The following DTNB variants were observed in gnomAD, a reference collection of about 807,000 sequenced individuals.
DTNB encodes dystrobrevin beta, also known as DTN-B.
In DTNB, 63 loss-of-function variants were observed where a neutral mutation model predicts 90.7. The observed-to-expected ratio is 0.69, with a 90% confidence interval of 0.57 to 0.86. The LOEUF is 0.86. Among genes scored for constraint, DTNB ranks in the 40% least tolerant of loss-of-function variants. The pLI, the probability that DTNB is intolerant of heterozygous loss-of-function variation, is 0.00. For missense variants in DTNB, 744 were observed against 807.1 expected, an observed-to-expected ratio of 0.92 and a Z score of 0.95; for synonymous variants, 277 against 286.7, an observed-to-expected ratio of 0.97 and a Z score of 0.34.
chr2:25,654,903 G>C (rs2081756467), intron 1 of DTNB, among the ~76,000 whole-genome samples: 1 of 152,288 alleles, frequency 6.6e-6, no homozygotes, highest in East Asian at 1.9e-4. Context: ...CAAATGCCTA[G>C]AACAGTTCCC....
chr2:25,409,434 A>G (rs2046065127), intron 16 of DTNB, among the ~76,000 whole-genome samples: 1 of 152,208 alleles, frequency 6.6e-6, no homozygotes, highest in Non-Finnish European at 1.5e-5. Context: ...TTTAGATGAA[A>G]AAGAAATGGG....
At chr2:25,643,097 C>T (rs1176508741) in intron 2 of DTNB, among the ~76,000 whole-genome samples, 1 of 152,070 alleles carries the variant, frequency 6.6e-6, no homozygotes, top group African/African-American at 2.4e-5. Flanking sequence ...AAACACAACA[C>T]AGTACTACCC....
intron 6 of DTNB, among the ~76,000 whole-genome samples, chr2:25,587,578 G>T (rs114232607): frequency 1.5e-3 from 232 of 152,266 alleles, no homozygotes; most frequent in Non-Finnish European, 2.1e-3. Context: ...TGAATCATCA[G>T]TGGGGAAGCG....
chr2:25,463,438 G>T (rs1240401774), intron 10 of DTNB, among the ~76,000 whole-genome samples: 2 of 152,176 alleles, frequency 1.3e-5, no homozygotes, highest in African/African-American at 2.4e-5. Context: ...GCACTCTTCT[G>T]CTCATACACT....
At chr2:25,543,035 A>G (rs2081618183) in intron 8 of DTNB, among the ~76,000 whole-genome samples, 1 of 152,090 alleles carries the variant, frequency 6.6e-6, no homozygotes, top group Non-Finnish European at 1.5e-5. Flanking sequence ...AGAATTGTTA[A>G]TTTTGTCTTT....
chr2:25,476,360 G>T (rs971126564), intron 10 of DTNB, among the ~76,000 whole-genome samples: 1 of 152,104 alleles, frequency 6.6e-6, no homozygotes, highest in African/African-American at 2.4e-5. Flanking sequence ...ACCACACCCA[G>T]CCAAGAAATA....
At chr2:25,427,153 G>A (rs915976585) in intron 15 of DTNB, among the ~76,000 whole-genome samples, 6 of 149,910 alleles carry the variant, frequency 4.0e-5, no homozygotes, top group Admixed American at 4.0e-4. Context: ...ACTCCAGCCT[G>A]GGTGACACAG....
At chr2:25,470,185 G>C (rs759072737) in intron 10 of DTNB, among the ~76,000 whole-genome samples, 2 of 152,126 alleles carry the variant, frequency 1.3e-5, no homozygotes, top group Non-Finnish European at 2.9e-5. Flanking sequence ...CAGTAGTTCT[G>C]TCATGATGGG....
chr2:25,655,966 C>T (rs1435553675), intron 1 of DTNB, among the ~76,000 whole-genome samples: 1 of 152,098 alleles, frequency 6.6e-6, no homozygotes, highest in Non-Finnish European at 1.5e-5. Flanking sequence ...GTTTTACATT[C>T]GCTCCTGGAG....
At chr2:25,609,807 G>T (rs2068112719) in intron 4 of DTNB, among the ~76,000 whole-genome samples, 1 of 151,574 alleles carries the variant, frequency 6.6e-6, no homozygotes, top group Non-Finnish European at 1.5e-5. Flanking sequence ...AGTTCCCCAA[G>T]TGATTCAAAA....
chr2:25,648,021 C>G (rs1390314902), intron 2 of DTNB, among the ~76,000 whole-genome samples: 1 of 152,036 alleles, frequency 6.6e-6, no homozygotes, highest in Non-Finnish European at 1.5e-5. Context: ...ACCAATAAAG[C>G]CAAAAGTCAG....
chr2:25,639,959 C>A (rs114929977), intron 2 of DTNB, among the ~76,000 whole-genome samples: 1 of 152,188 alleles, frequency 6.6e-6, no homozygotes. Flanking sequence ...AACGCGCAGG[C>A]GAGCGAGCCT....
intron 12 of DTNB, among the ~76,000 whole-genome samples, chr2:25,437,366 A>G (rs912206014): frequency 6.6e-6 from 1 of 150,970 alleles, no homozygotes; most frequent in South Asian, 2.1e-4. Context: ...GGTTCAAGCG[A>G]TTTTCCTGCC....
intron 10 of DTNB, among the ~76,000 whole-genome samples, chr2:25,460,194 G>A (rs1215166926): frequency 6.6e-6 from 1 of 152,138 alleles, no homozygotes; most frequent in Non-Finnish European, 1.5e-5. Context: ...CAAGGGTTCT[G>A]AATGAGCAAC....
intron 10 of DTNB, among the ~76,000 whole-genome samples, chr2:25,479,987 G>A (rs933541409): frequency 2.0e-5 from 3 of 152,156 alleles, no homozygotes; most frequent in African/African-American, 7.2e-5. Flanking sequence ...GGCCACACAG[G>A]TCTGTCCACA....
intron 8 of DTNB, among the ~76,000 whole-genome samples, chr2:25,542,915 GA>G (rs976059673): frequency 4.0e-5 from 6 of 148,838 alleles, no homozygotes; most frequent in Admixed American, 2.7e-4. Flanking sequence ...TTGTGTATTT[GA>G]AAAAAAAATG....
chr2:25,436,848 C>T (rs1322578109), intron 12 of DTNB, among the ~76,000 whole-genome samples: 3 of 151,936 alleles, frequency 2.0e-5, no homozygotes, highest in East Asian at 1.9e-4. Flanking sequence ...TAGAGTGAGA[C>T]GAGGGAAAAT....
intron 8 of DTNB, among the ~76,000 whole-genome samples, chr2:25,554,679 G>A (rs1321085715): frequency 4.6e-5 from 7 of 152,130 alleles, no homozygotes. Flanking sequence ...CAATCAATAG[G>A]AGGATAACAG....
chr2:25,585,470 T>G (rs2062214575), intron 6 of DTNB, among the ~76,000 whole-genome samples: 1 of 152,190 alleles, frequency 6.6e-6, no homozygotes, highest in Admixed American at 6.6e-5. Context: ...TAATCTAGAC[T>G]GACAACTATT....
Sources: allele counts gnomAD v4.1 joint callset (sites outside exome capture counted in the v4.1 genomes callset), GRCh38; gene constraint gnomAD v4.1.1; transcripts MANE v1.5; gene names NCBI Gene and HGNC (gene_info 2026-07-23, HGNC 2026-07-21).